The following MYH15 variants were observed in gnomAD, a reference collection of about 807,000 sequenced individuals.
MYH15 encodes the protein myosin-15.
MYH15 carries 227 observed loss-of-function variants against 240.5 expected under a neutral mutation model. That is an observed-to-expected ratio of 0.94 (90% CI 0.85 to 1.05). The LOEUF (loss-of-function observed/expected upper bound fraction) is 1.05, where lower values mean the gene tolerates loss of function less well. Ranked by LOEUF, MYH15 falls within the 50% of genes least tolerant of loss-of-function variation. The pLI is 0.00. For synonymous variants in MYH15, 785 were observed against 796.7 expected (o/e 0.99, Z 0.25); for missense variants, 2,217 against 2,247.5 (o/e 0.99, Z 0.27).
chr3:108,493,196 A>G lies in MYH15; in HGVS notation c.712-19T>C, dbSNP rs1560425776. Reference sequence around the variant, plus strand: ...ATTTGCCCTAGTGTGGACACAGAACACAGTCAGACACAAAACACAGTTTCC... The same window carrying G: ...ATTTGCCCTAGTGTGGACACAGAACGCAGTCAGACACAAAACACAGTTTCC... On this transcript the variant is annotated intron_variant, in intron 7 of 40. Coordinates refer to ENST00000693548, the MANE Select transcript of MYH15 (RefSeq NM_014981.3). 3.7e-6 allele frequency: 6 copies of G among 1,608,530 alleles called. No homozygotes were observed. Among genetic ancestry groups the G allele is most frequent in the Admixed American group, 1.7e-5 (1 of 60,000 alleles).
chr3:108,382,784 T>C, intron 40 of MYH15, among the ~76,000 whole-genome samples: 1 of 152,082 alleles, frequency 6.6e-6, no homozygotes, highest in East Asian at 1.9e-4. Flanking sequence ...ATAATAATAA[T>C]GAAATGATGG....
intron 27 of MYH15, among the ~76,000 whole-genome samples, chr3:108,423,005 G>T (rs556563887): frequency 6.6e-6 from 1 of 152,070 alleles, no homozygotes; most frequent in Non-Finnish European, 1.5e-5. Context: ...CTTTGTCCCC[G>T]GCCACAAAAA....
chr3:108,515,924 T>C (rs1188519201), intron 1 of MYH15, among the ~76,000 whole-genome samples: 5 of 152,178 alleles, frequency 3.3e-5, no homozygotes, highest in Admixed American at 3.3e-4. Context: ...TCTATTTAGA[T>C]GGTGATCGCT....
the MYH15 span, among the ~76,000 whole-genome samples, chr3:108,546,651 T>A: frequency 6.6e-6 from 1 of 152,292 alleles, no homozygotes; most frequent in East Asian, 1.9e-4. Context: ...AATAGACAAC[T>A]AAAATGTTAT....
At position 108,428,976 on chromosome 3, in the gene MYH15, G is replaced by A; in HGVS notation, c.3313-95C>T. 3 of 1,298,414 alleles carry A rather than the reference G, an allele frequency of 2.3e-6. No homozygotes were observed. In the South Asian group the frequency reaches 4.6e-5, roughly 20 times the overall value. 80.4% of individuals were successfully genotyped at this position (1,298,414 alleles called of 1,614,324 possible). ...TCACAAAGCTAACATGAAACTTTTGGTTCCCAATTTACAACTAAAGAAAAC... is the reference window on the plus strand; with the variant it reads ...TCACAAAGCTAACATGAAACTTTTGATTCCCAATTTACAACTAAAGAAAAC... On this transcript the variant is annotated intron_variant, in intron 26 of 40. Coordinates refer to ENST00000693548, the MANE Select transcript of MYH15 (RefSeq NM_014981.3).
At chr3:108,508,715 AAACAGGGGTAAT>A (rs1381392913) in intron 1 of MYH15, among the ~76,000 whole-genome samples, 3 of 152,180 alleles carry the variant, frequency 2.0e-5, no homozygotes, top group Non-Finnish European at 4.4e-5. Context: ...ATATTGATTA[AAACAGGGGTAAT>A]ACTATATTCA....
intron 1 of MYH15, among the ~76,000 whole-genome samples, chr3:108,518,808 C>T (rs919557505): frequency 2.6e-5 from 4 of 152,312 alleles, no homozygotes; most frequent in South Asian, 4.1e-4. Context: ...TCTCTAGGTT[C>T]GTTCTGTCAG....
intron 27 of MYH15, among the ~76,000 whole-genome samples, chr3:108,426,540 A>C (rs921155171): frequency 3.3e-5 from 5 of 152,218 alleles, no homozygotes; most frequent in Admixed American, 6.5e-5. Context: ...ACATGCTGTA[A>C]ACCATAGCAG....
chr3:108,529,675 A>G (rs935164197), upstream of MYH15, among the ~76,000 whole-genome samples: 10 of 152,232 alleles, frequency 6.6e-5, no homozygotes, highest in African/African-American at 2.2e-4. Context: ...AGAAAAAAGC[A>G]CAGAACATAT....
chr3:108,499,461 A>G lies in MYH15; in HGVS notation c.518T>C (p.Leu173Pro), dbSNP rs781496642. Reference protein sequence around the residue: ...MLHNRENQSILFTGESGAGKT... With the variant: ...MLHNRENQSIPFTGESGAGKT... ...AAACAAGGCAAACACTTACGTGAAG[A>G]GTATAGACTGATTTTCTCGATCTAC... The change falls in exon 5 of 41, where the codon CTC becomes CCC. Residue 173 changes from leucine to proline, a missense_variant. Physicochemically the swap from Leu to Pro is moderately conservative, Grantham distance 98. Coordinates refer to ENST00000693548, the MANE Select transcript of MYH15 (RefSeq NM_014981.3). 1 of 1,613,268 alleles carries G rather than the reference A, an allele frequency of 6.2e-7. No individual in the cohort carries two copies. Among genetic ancestry groups the G allele is most frequent in the South Asian group, 1.1e-5 (1 of 90,718 alleles).
At chr3:108,501,276 A>C (rs2083436111) in intron 3 of MYH15, among the ~76,000 whole-genome samples, 1 of 152,218 alleles carries the variant, frequency 6.6e-6, no homozygotes, top group Admixed American at 6.5e-5. Context: ...TCATCAATTT[A>C]AAGATGATGA....
At chr3:108,453,972 C>A (rs1316393542) in intron 21 of MYH15, 34 bp downstream of exon 21, 24 of 1,597,252 alleles carry the variant, frequency 1.5e-5, no homozygotes, top group Non-Finnish European at 1.9e-5. Flanking sequence ...CACTATTACC[C>A]TAGCAGTTGG....
At chr3:108,493,682 G>A (rs955684863) in intron 7 of MYH15, among the ~76,000 whole-genome samples, 2 of 152,148 alleles carry the variant, frequency 1.3e-5, no homozygotes, top group Admixed American at 6.5e-5. Context: ...AGCAGCTACT[G>A]CAACAGCTCT....
intron 31 of MYH15, 76 bp from the exon 32 acceptor site, chr3:108,408,480 T>C: frequency 6.9e-7 from 1 of 1,439,354 alleles, no homozygotes; most frequent in East Asian, 2.4e-5. Context: ...CACAACAGAT[T>C]CTTCCAGCCC....
At position 108,470,159 on chromosome 3, in the gene MYH15, T is replaced by C. The variant is rs371434023; in HGVS notation, c.1437A>G (p.Gln479=). The change falls in exon 14 of 41, where the codon CAA becomes CAG. Residue 479 remains glutamine (Q), a synonymous_variant. Transcript: ENST00000693548. ...GAACAAACATGTGCCAATTGAAGAA[T>C]TGTTGTAATTTTTCATTGGTAAAAT... ...CINFTNEKLQ[Q]FFNWHMFVLE... is the part of the protein sequence containing the mutation. The C allele has an allele frequency of 6.8e-5, 110 of 1,609,936 alleles. No individual in the cohort carries two copies. In the African/African-American group the frequency reaches 1.1e-3, roughly 17 times the overall value.
intron 24 of MYH15, among the ~76,000 whole-genome samples, chr3:108,438,483 G>T (rs181157631): frequency 1.6e-4 from 25 of 152,210 alleles, no homozygotes; most frequent in Non-Finnish European, 1.3e-4. Context: ...TTCAAATTGG[G>T]AAGGAGGGAG....
rs1189613677 is a variant in MYH15 at position 108,398,749 on chromosome 3, T to G, written c.5021A>C (p.Gln1674Pro). Residue 1674 changes from glutamine (Q) to proline (P), a missense_variant, in exon 35 of 41, where the codon CAG (glutamine) becomes CCG (proline). Coordinates refer to ENST00000693548, the MANE Select transcript of MYH15 (RefSeq NM_014981.3). ...GGACCTTAGATCCTCTAGTTCAGAC[T>G]GAAGAAGAGAGTTGCGCCGCTCAGC... is the stretch of plus-strand genomic sequence containing the variant. ...AVAERRNSLL[Q>P]SELEDLRSLQ... The G allele has an allele frequency of 1.2e-6, 2 of 1,614,102 alleles. No individual in the cohort carries two copies. Among genetic ancestry groups the G allele is most frequent in the African/African-American group, 2.7e-5 (2 of 74,944 alleles).
At chr3:108,440,272 T>C (rs909953355) in intron 23 of MYH15, among the ~76,000 whole-genome samples, 1 of 152,194 alleles carries the variant, frequency 6.6e-6, no homozygotes, top group Non-Finnish European at 1.5e-5. Flanking sequence ...GCAATTTCTT[T>C]TGAGGAGTCA....
intron 33 of MYH15, among the ~76,000 whole-genome samples, chr3:108,404,366 T>G (rs1214149173): frequency 6.6e-6 from 1 of 152,220 alleles, no homozygotes; most frequent in Non-Finnish European, 1.5e-5. Flanking sequence ...TGAAAGTAAG[T>G]TGCCAGTTGA....
Sources: gnomAD v4.1 joint callset for allele counts (sites outside exome capture counted in the v4.1 genomes callset) on GRCh38, gnomAD v4.1.1 for gene constraint, MANE v1.5 for transcripts, NCBI Gene and HGNC (gene_info 2026-07-23, HGNC 2026-07-21) for gene names.